Variants in FTO observed in about 807,000 individuals in gnomAD.
FTO encodes FTO alpha-ketoglutarate dependent dioxygenase, also known as alpha-ketoglutarate-dependent dioxygenase FTO.
A neutral mutation model predicts 63.9 loss-of-function variants in FTO; 47 were observed. That is an observed-to-expected ratio of 0.74 (90% CI 0.58 to 0.94). FTO has a LOEUF of 0.94. Ranked by LOEUF, FTO falls within the 40% of genes least tolerant of loss-of-function variation. FTO has a pLI of 0.00. For synonymous variants in FTO, 207 were observed against 224.4 expected (o/e 0.92, Z 0.69); for missense variants, 562 against 618.1 (o/e 0.91, Z 0.96).
chr16:53,834,811 A>G (rs1481850062), intron 3 of FTO, among the ~76,000 whole-genome samples: 1 of 152,118 alleles, frequency 6.6e-6, no homozygotes, highest in Non-Finnish European at 1.5e-5. Flanking sequence ...ACATACTTAC[A>G]TTGTTTTGAA....
intron 8 of FTO, chr16:54,070,120 T>C (rs2085831502): frequency 6.6e-6 from 1 of 152,128 alleles, no homozygotes; most frequent in South Asian, 2.1e-4. Flanking sequence ...TAATTATCAT[T>C]ACTGGCATCG....
intron 8 of FTO, among the ~76,000 whole-genome samples, chr16:53,938,049 G>T (rs1198505454): frequency 2.0e-5 from 3 of 152,154 alleles, no homozygotes; most frequent in Non-Finnish European, 2.9e-5. Flanking sequence ...CAAAGATTTT[G>T]TTCTGCCTGC....
intron 8 of FTO, among the ~76,000 whole-genome samples, chr16:53,974,018 C>T (rs2083385280): frequency 6.6e-6 from 1 of 152,050 alleles, no homozygotes; most frequent in Admixed American, 6.6e-5. Flanking sequence ...GCCAGAAATT[C>T]ACATATTTAT....
Position 53,854,489 on chromosome 16 carries a change from A to G in FTO, c.895+10191A>G, listed in dbSNP as rs2079916443. Among the ~76,000 whole-genome samples the G allele has an allele frequency of 3.3e-5, 5 of 152,216 alleles. No individual in the cohort carries two copies. The South Asian group carries it at 1.0e-3, about 32-fold the overall frequency. On this transcript the variant is annotated intron_variant, in intron 4 of 8. Transcript: ENST00000471389. Reference sequence around the variant, plus strand: ...TTTTTGTATATGGTGAGACACAGGGATCCAGTTTCATTCTTCTACATGTGG... The same window carrying G: ...TTTTTGTATATGGTGAGACACAGGGGTCCAGTTTCATTCTTCTACATGTGG...
intron 4 of FTO, among the ~76,000 whole-genome samples, chr16:53,872,727 T>C (rs2080535083): frequency 1.3e-5 from 2 of 152,246 alleles, no homozygotes; most frequent in African/African-American, 4.8e-5. Flanking sequence ...TATTGTAGGT[T>C]GTTTTTGCTG....
Position 53,954,339 on chromosome 16 carries a change from AC to A in FTO, c.1364+20231del, listed in dbSNP as rs562488245. Among the ~76,000 whole-genome samples, 38 of 151,590 alleles carry A rather than the reference AC, an allele frequency of 2.5e-4. No individual in the cohort carries two copies. In the South Asian group the frequency reaches 7.7e-3, roughly 31 times the overall value. ...GGCCTTTCATTTAAAAGGAGGCAGA[AC>A]TTTTTTTTTCCCTAGACCTACCTCA... On this transcript the variant is annotated intron_variant, in intron 8 of 8. Coordinates refer to ENST00000471389, the MANE Select transcript of FTO (RefSeq NM_001080432.3).
intron 7 of FTO, chr16:53,923,195 CTGT>C (rs2082049375): frequency 6.6e-6 from 1 of 152,196 alleles, no homozygotes; most frequent in Admixed American, 6.5e-5. Flanking sequence ...CATAAGAAGC[CTGT>C]TGTTTCAGCC....
chr16:53,708,121 G>A (rs1249920333), intron 1 of FTO, among the ~76,000 whole-genome samples: 1 of 152,088 alleles, frequency 6.6e-6, no homozygotes, highest in East Asian at 1.9e-4. Flanking sequence ...CACTTTGGGA[G>A]GCCAAGGCAG....
intron 8 of FTO, among the ~76,000 whole-genome samples, chr16:54,049,222 C>T (rs1344987278): frequency 6.6e-6 from 1 of 152,218 alleles, no homozygotes; most frequent in Non-Finnish European, 1.5e-5. Flanking sequence ...TAATTACGCA[C>T]TTAACTCAGC....
chr16:53,896,055 A>G (rs1346652473), intron 7 of FTO, among the ~76,000 whole-genome samples: 1 of 152,200 alleles, frequency 6.6e-6, no homozygotes, highest in East Asian at 1.9e-4. Context: ...GAAAAAAAAG[A>G]TGAATTCTGC....
chr16:53,908,050 T>C (rs2081581910), intron 7 of FTO, among the ~76,000 whole-genome samples: 1 of 152,240 alleles, frequency 6.6e-6, no homozygotes, highest in South Asian at 2.1e-4. Flanking sequence ...TTTTTGGTCA[T>C]ATAATTTGTG....
chr16:54,090,039 A>G (rs540173600), intron 8 of FTO, among the ~76,000 whole-genome samples: 138 of 152,292 alleles, frequency 9.1e-4, no homozygotes, highest in Non-Finnish European at 1.3e-3. Context: ...AGATGTATAC[A>G]CAAAAGAATT....
intron 4 of FTO, among the ~76,000 whole-genome samples, chr16:53,867,344 T>G (rs1355825994): frequency 6.6e-6 from 1 of 151,986 alleles, no homozygotes; most frequent in African/African-American, 2.4e-5. Context: ...GATCAGAAAC[T>G]CAGATCTACA....
At chr16:53,892,641 A>G (rs1323199339) in intron 7 of FTO, among the ~76,000 whole-genome samples, 1 of 152,196 alleles carries the variant, frequency 6.6e-6, no homozygotes, top group Non-Finnish European at 1.5e-5. Context: ...CTTTAAATCA[A>G]TGCATTTTGT....
chr16:53,756,687 T>G (rs1265105450), intron 1 of FTO, among the ~76,000 whole-genome samples: 1 of 152,226 alleles, frequency 6.6e-6, no homozygotes, highest in Non-Finnish European at 1.5e-5. Context: ...CTGTTCTCAT[T>G]AGCATTTATA....
chr16:53,782,274 C>G (rs2077607737), intron 1 of FTO, among the ~76,000 whole-genome samples: 1 of 152,182 alleles, frequency 6.6e-6, no homozygotes, highest in Non-Finnish European at 1.5e-5. Context: ...TCACTTTAAA[C>G]TCGGTATTTG....
At chr16:53,732,322 A>T (rs1409524523) in intron 1 of FTO, among the ~76,000 whole-genome samples, 4 of 152,190 alleles carry the variant, frequency 2.6e-5, no homozygotes, top group African/African-American at 9.7e-5. Flanking sequence ...AAGTGCTGGG[A>T]TTACAAGCAT....
At chr16:53,788,582 G>A (rs150804217) in intron 1 of FTO, among the ~76,000 whole-genome samples, 24 of 140,956 alleles carry the variant, frequency 1.7e-4, no homozygotes, top group African/African-American at 5.4e-4. Context: ...CAGCCTGGGC[G>A]ACAGAGCTAG....
At chr16:53,820,798 G>T (rs568433519) in intron 2 of FTO, among the ~76,000 whole-genome samples, 4 of 152,100 alleles carry the variant, frequency 2.6e-5, no homozygotes, top group Non-Finnish European at 4.4e-5. Context: ...TCCAGGAAAG[G>T]TTTCTATAAG....
Sources: allele counts gnomAD v4.1 joint callset (sites outside exome capture counted in the v4.1 genomes callset), GRCh38; gene constraint gnomAD v4.1.1; transcripts MANE v1.5; gene names NCBI Gene and HGNC (gene_info 2026-07-23, HGNC 2026-07-21).